CPE: variants seen among roughly 807,000 people sequenced by gnomAD.
CPE encodes carbocypeptidase E.
In CPE, 17 loss-of-function variants were observed where a neutral mutation model predicts 53.5. The ratio of observed to expected loss-of-function variants is 0.32; its 90% CI spans 0.22 to 0.48. The LOEUF is 0.48. Ranked by LOEUF, CPE falls within the 20% of genes least tolerant of loss-of-function variation. The pLI, the probability that CPE is intolerant of heterozygous loss-of-function variation, is 0.99. For missense variants in CPE, 524 were observed against 614.7 expected, an observed-to-expected ratio of 0.85 and a Z score of 1.56; for synonymous variants, 226 against 228.8, an observed-to-expected ratio of 0.99 and a Z score of 0.11.
chr4:165,497,601 A>G lies in CPE; in HGVS notation c.1422A>G (p.Leu474=), dbSNP rs112824368. 6.7e-4 allele frequency: 1,052 copies of G among 1,561,004 alleles called. 11 individuals carry two copies. The African/African-American group carries it at 0.013, about 19-fold the overall frequency. Residue 474 remains leucine (L), a synonymous_variant, in exon 9 of 9, where the codon TTA becomes TTG. Coordinates refer to ENST00000402744, the MANE Select transcript of CPE (RefSeq NM_001873.4). ...GGTGGAAAATGATGTCAGAAACTTT[A>G]AATTTTTAAAAAGGCTTCTAGTTAG... ...MEWWKMMSET[L]NF
chr4:165,442,474 C>T (rs1221147166), intron 1 of CPE, among the ~76,000 whole-genome samples: 1 of 152,144 alleles, frequency 6.6e-6, no homozygotes, highest in Admixed American at 6.6e-5. Context: ...ACTCAACATA[C>T]AGGAAGTTCA....
At chr4:165,381,258 A>C (rs1730501365) in intron 1 of CPE, 1 of 456,172 alleles carries the variant, frequency 2.2e-6, no homozygotes, top group Non-Finnish European at 4.4e-6. Flanking sequence ...TAGTTCATCA[A>C]GGTTTGCAAA....
rs376728100 is a variant in CPE at position 165,421,033 on chromosome 4, T to C, written c.307+41505T>C. Among the ~76,000 whole-genome samples, 16 of 152,338 alleles carry C rather than the reference T, an allele frequency of 1.1e-4. No individual in the cohort carries two copies. In the East Asian group the frequency reaches 1.7e-3, roughly 17 times the overall value. On this transcript the variant is annotated intron_variant, in intron 1 of 8. Coordinates refer to ENST00000402744, the MANE Select transcript of CPE (RefSeq NM_001873.4). The stretch of plus-strand genomic sequence containing the variant: ...AGAGTTGTAATTTATTTTCAGGAAA[T>C]AATTTCATTATGATCTACATATTTG...
At chr4:165,485,931 G>T (rs547994366) in intron 5 of CPE, among the ~76,000 whole-genome samples, 6 of 152,260 alleles carry the variant, frequency 3.9e-5, no homozygotes, top group Non-Finnish European at 7.4e-5. Context: ...CTGTAGGGAA[G>T]TGAGGGAAGC....
intron 2 of CPE, 147 bp downstream of exon 2, chr4:165,464,733 C>A: frequency 1.7e-6 from 1 of 594,244 alleles, no homozygotes; most frequent in Non-Finnish European, 2.7e-6. Context: ...ATTCAACTCA[C>A]CAGTAAGAAA....
intron 1 of CPE, among the ~76,000 whole-genome samples, chr4:165,417,679 C>T (rs898802377): frequency 6.6e-6 from 1 of 150,876 alleles, no homozygotes; most frequent in Non-Finnish European, 1.5e-5. Context: ...TAGATCATAT[C>T]AGTATAAATG....
intron 1 of CPE, among the ~76,000 whole-genome samples, chr4:165,442,242 C>T (rs1381256511): frequency 3.3e-5 from 5 of 151,854 alleles, no homozygotes; most frequent in Non-Finnish European, 5.9e-5. Context: ...CAGAGTCTTG[C>T]GATGTTGCCC....
rs1730456719 is a variant in CPE, at chr4:165,379,067, G to C, written c.-155G>C. The stretch of plus-strand genomic sequence containing the variant: ...TCTCCTCTGGGTGGCCCCAGTGCGC[G>C]GGCTGACACTCATTCAGCCGGGGAA... On this transcript the variant is annotated 5_prime_UTR_variant, in exon 1 of 9. Transcript: ENST00000402744. The surrounding 1 kb of genome is among the most constrained non-coding windows in gnomAD (Gnocchi z 6.0). The C allele has an allele frequency of 1.6e-6, 1 of 641,886 alleles. No individual in the cohort carries two copies. Among genetic ancestry groups the C allele is most frequent in the Non-Finnish European group, 2.2e-6 (1 of 462,156 alleles). The allele number at this position is 641,886 out of a possible 1,614,324, so 39.8% of individuals were successfully genotyped here.
At chr4:165,434,998 A>G (rs1267384535) in intron 1 of CPE, among the ~76,000 whole-genome samples, 1 of 152,070 alleles carries the variant, frequency 6.6e-6, no homozygotes, top group East Asian at 1.9e-4. Flanking sequence ...CTCTCACCAT[A>G]TGATCTCTGC....
At chr4:165,431,350 C>T (rs906824988) in intron 1 of CPE, among the ~76,000 whole-genome samples, 5 of 152,040 alleles carry the variant, frequency 3.3e-5, no homozygotes, top group East Asian at 1.9e-4. Flanking sequence ...ATTGATCTTG[C>T]GAAAAAGGCG....
intron 1 of CPE, among the ~76,000 whole-genome samples, chr4:165,457,161 A>C (rs1731916473): frequency 6.6e-6 from 1 of 152,162 alleles, no homozygotes; most frequent in Non-Finnish European, 1.5e-5. Context: ...TGCTTTCCAC[A>C]TGCAGTGGTG....
intron 1 of CPE, among the ~76,000 whole-genome samples, chr4:165,461,158 C>T (rs1296706408): frequency 3.5e-5 from 1 of 28,274 alleles, no homozygotes; most frequent in Non-Finnish European, 6.6e-5. Context: ...CAGAGTGAGC[C>T]TCTGCCTCAA....
chr4:165,477,333 A>G (rs1182146201), intron 3 of CPE, among the ~76,000 whole-genome samples: 3 of 152,252 alleles, frequency 2.0e-5, no homozygotes, highest in Non-Finnish European at 4.4e-5. Flanking sequence ...TTCTTTTCAT[A>G]AAGGTAAATT....
intron 4 of CPE, among the ~76,000 whole-genome samples, chr4:165,484,189 A>G (rs1366727034): frequency 6.6e-6 from 1 of 152,168 alleles, no homozygotes; most frequent in Non-Finnish European, 1.5e-5. Flanking sequence ...TTCAACTCAT[A>G]AGTAGAATGT....
chr4:165,402,856 A>G (rs956698858), intron 1 of CPE, among the ~76,000 whole-genome samples: 12 of 152,256 alleles, frequency 7.9e-5, no homozygotes, highest in African/African-American at 1.7e-4. Flanking sequence ...AGAGGAGTCA[A>G]TACAAAAACC....
chr4:165,493,137 A>G, intron 6 of CPE, 34 bp from the exon 7 acceptor site: 1 of 1,329,940 alleles, frequency 7.5e-7, no homozygotes, highest in Non-Finnish European at 1.1e-6. Context: ...TTTATAGGTC[A>G]TATTAATTTT....
chr4:165,474,262 C>A (rs1480972261), intron 3 of CPE, among the ~76,000 whole-genome samples: 1 of 152,172 alleles, frequency 6.6e-6, no homozygotes, highest in Non-Finnish European at 1.5e-5. Context: ...TGCATAAGGG[C>A]AATGGGTTCC....
intron 1 of CPE, among the ~76,000 whole-genome samples, chr4:165,399,427 C>T (rs1310495667): frequency 2.0e-5 from 3 of 152,130 alleles, no homozygotes; most frequent in South Asian, 2.1e-4. Flanking sequence ...TGCAGTGGCA[C>T]GATCTCGGCT....
chr4:165,394,503 C>T (rs373068519), intron 1 of CPE, among the ~76,000 whole-genome samples: 4 of 152,026 alleles, frequency 2.6e-5, no homozygotes, highest in Non-Finnish European at 4.4e-5. Context: ...GTGTGCACCA[C>T]GCAGAATGAA....
Sources: gnomAD v4.1 joint callset for allele counts (sites outside exome capture counted in the v4.1 genomes callset) on GRCh38, gnomAD v4.1.1 for gene constraint, Gnocchi (gnomAD v3.1) non-coding constraint, MANE v1.5 for transcripts, NCBI Gene and HGNC (gene_info 2026-07-23, HGNC 2026-07-21) for gene names.